Variants in DNAH5 observed in about 807,000 individuals in gnomAD.
DNAH5 encodes dynein axonemal heavy chain 5, also known as axonemal beta dynein heavy chain 5.
Under a neutral mutation model 518.2 loss-of-function variants are expected in DNAH5, and 372 were observed. The observed-to-expected ratio is 0.72, with a 90% CI of 0.66 to 0.78. DNAH5 has a LOEUF of 0.78. Among genes scored for constraint, DNAH5 ranks in the 30% least tolerant of loss-of-function variants. DNAH5 has a pLI of 0.00. For synonymous variants in DNAH5, 2,039 were observed against 2,025.9 expected, an observed-to-expected ratio of 1.01 and a Z score of -0.17; for missense variants, 5,523 against 5,687.0, an observed-to-expected ratio of 0.97 and a Z score of 0.93.
At chr5:13,997,550 T>G (rs550960180) in intron 1 of DNAH5, among the ~76,000 whole-genome samples, 1 of 152,342 alleles carries the variant, frequency 6.6e-6, no homozygotes, top group South Asian at 2.1e-4. Flanking sequence ...CACAACCACT[T>G]AAGCAATCTC....
chr5:13,898,173 A>T, intron 15 of DNAH5: 1 of 164,186 alleles, frequency 6.1e-6, no homozygotes, highest in Non-Finnish European at 1.3e-5. Flanking sequence ...ATGGAACAGA[A>T]GAATCACCTA....
chr5:13,762,168 A>G (rs1751874062), intron 60 of DNAH5, among the ~76,000 whole-genome samples: 1 of 152,242 alleles, frequency 6.6e-6, no homozygotes, highest in Non-Finnish European at 1.5e-5. Context: ...TAAGGATTCA[A>G]TTACACAAAG....
chr5:13,928,897 A>G, intron 2 of DNAH5, among the ~76,000 whole-genome samples: 1 of 152,310 alleles, frequency 6.6e-6, no homozygotes, highest in Non-Finnish European at 1.5e-5. Flanking sequence ...TACTGGTGGG[A>G]ATGTAAATGG....
At chr5:13,852,503 G>C (rs1767025839) in intron 30 of DNAH5, among the ~76,000 whole-genome samples, 1 of 152,068 alleles carries the variant, frequency 6.6e-6, no homozygotes, top group East Asian at 1.9e-4. Context: ...TGGCACCTGG[G>C]ATGCCACTGA....
At chr5:13,750,479 G>T (rs1159516313) in intron 65 of DNAH5, among the ~76,000 whole-genome samples, 1 of 152,156 alleles carries the variant, frequency 6.6e-6, no homozygotes, top group African/African-American at 2.4e-5. Flanking sequence ...GGCAGACATG[G>T]AGTTATGTTT....
At chr5:14,009,166 G>A (rs1346575804) in intron 1 of DNAH5, among the ~76,000 whole-genome samples, 1 of 152,192 alleles carries the variant, frequency 6.6e-6, no homozygotes, top group Non-Finnish European at 1.5e-5. Context: ...AAGAAGCAAA[G>A]CCAAATGCAA....
In DNAH5 at chr5:13,770,843, T is replaced by C. The variant is rs149681419; in HGVS notation, c.9511A>G (p.Thr3171Ala). 3 of 1,614,040 alleles carry C rather than the reference T, an allele frequency of 1.9e-6. No homozygotes were observed. The highest frequency in any genetic ancestry group is 2.5e-6 in the Non-Finnish European group (3 of 1,179,978). Residue 3171 changes from threonine (T) to alanine (A), a missense_variant, in exon 56 of 79, where the codon ACC (threonine) becomes GCC (alanine). This residue lies in a region of DNAH5 where 5,121 missense variants were observed against 5,223.3 expected (regional missense o/e 0.98). Transcript: ENST00000265104. ...AGGTATGATTTGGGCGTCACGTGGG[T>C]AGAACGTCGGAATCTCTGAAAATAA... ...VDYFQRFRRS[T>A]HVTPKSYLSF...
intron 35 of DNAH5, 65 bp downstream of exon 35, chr5:13,839,291 C>CA (rs1764835748): frequency 1.3e-6 from 2 of 1,524,502 alleles, no homozygotes; most frequent in Admixed American, 3.3e-5. Flanking sequence ...AGACTTTAAG[C>CA]AAAAATCCCC....
chr5:13,929,621 C>G (rs1778223239), intron 2 of DNAH5, among the ~76,000 whole-genome samples: 1 of 152,146 alleles, frequency 6.6e-6, no homozygotes, highest in Non-Finnish European at 1.5e-5. Flanking sequence ...GAAGGACTCC[C>G]CAAGATTCAA....
At chr5:13,977,546 C>T (rs539339846) in intron 1 of DNAH5, among the ~76,000 whole-genome samples, 1 of 152,276 alleles carries the variant, frequency 6.6e-6, no homozygotes, top group Admixed American at 6.5e-5. Context: ...CCTAACTTTC[C>T]TCCCTCCCCT....
chr5:13,717,273 C>A, intron 73 of DNAH5, 42 bp downstream of exon 73: 1 of 1,581,846 alleles, frequency 6.3e-7, no homozygotes. Context: ...ATGGCCCAAG[C>A]CCACAGCCAC....
intron 1 of DNAH5, among the ~76,000 whole-genome samples, chr5:13,934,519 G>C (rs1778736198): frequency 6.6e-6 from 1 of 152,070 alleles, no homozygotes; most frequent in Non-Finnish European, 1.5e-5. Context: ...AGGATGATTG[G>C]GAAAAGAGAA....
At chr5:13,829,943 A>C in intron 37 of DNAH5, 83 bp downstream of exon 37, 1 of 1,179,644 alleles carries the variant, frequency 8.5e-7, no homozygotes, top group Non-Finnish European at 1.2e-6. Context: ...CATTCAGGAA[A>C]ACAGATGACA....
intron 1 of DNAH5, among the ~76,000 whole-genome samples, chr5:13,934,866 A>T (rs917900487): frequency 1.3e-5 from 2 of 152,234 alleles, no homozygotes; most frequent in African/African-American, 4.8e-5. Context: ...ATGTTAGTTC[A>T]TTCCATAGAC....
intron 75 of DNAH5, among the ~76,000 whole-genome samples, chr5:13,713,334 T>C (rs546882557): frequency 6.9e-6 from 1 of 144,440 alleles, no homozygotes; most frequent in Non-Finnish European, 1.5e-5. Context: ...TATACCGACA[T>C]ATATATATAC....
Position 13,778,937 on chromosome 5 carries a change from T to C in DNAH5, c.8952-1582A>G, listed in dbSNP as rs10072349. ...TGCCACAGTGAGAGTGGTGGTTGGG[T>C]ATACTGGATGTGGCACTGTGGTGCA... On this transcript the variant is annotated intron_variant, in intron 53 of 78. Coordinates refer to ENST00000265104, the MANE Select transcript of DNAH5 (RefSeq NM_001369.3). 5.7e-3 allele frequency among the ~76,000 whole-genome samples: 866 copies of C among 152,268 alleles called. 6 individuals are homozygous for C. Among genetic ancestry groups the C allele is most frequent in the African/African-American group, 0.02 (815 of 41,560 alleles).
chr5:13,830,876 A>G, intron 35 of DNAH5, 101 bp from the exon 36 acceptor site: 1 of 1,143,648 alleles, frequency 8.7e-7, no homozygotes, highest in Non-Finnish European at 1.3e-6. Flanking sequence ...AAAAAACAAA[A>G]GGCCATTGTC....
chr5:13,904,009 G>A (rs1774987858), intron 12 of DNAH5, among the ~76,000 whole-genome samples: 1 of 151,918 alleles, frequency 6.6e-6, no homozygotes, highest in African/African-American at 2.4e-5. Flanking sequence ...AGCAGCAAAG[G>A]TAAAACTAAA....
chr5:13,916,491 T>G, intron 8 of DNAH5, 36 bp from the exon 9 acceptor site: 1 of 1,194,228 alleles, frequency 8.4e-7, no homozygotes, highest in Non-Finnish European at 1.2e-6. Flanking sequence ...GAAAAAATCA[T>G]CAAATTCAGC....
Sources: allele counts gnomAD v4.1 joint callset (sites outside exome capture counted in the v4.1 genomes callset), GRCh38; gene constraint gnomAD v4.1.1; regional missense constraint gnomAD v4.1.1; transcripts MANE v1.5; gene names NCBI Gene and HGNC (gene_info 2026-07-23, HGNC 2026-07-21).